RYR3: variants seen among roughly 807,000 people sequenced by gnomAD.
RYR3 encodes ryanodine receptor 3, also known as brain ryanodine receptor-calcium release channel.
A neutral mutation model predicts 584.3 loss-of-function variants in RYR3; 207 were observed. That is an observed-to-expected ratio of 0.35 (90% CI 0.32 to 0.40). The LOEUF (loss-of-function observed/expected upper bound fraction) is 0.40, where lower values mean the gene tolerates loss of function less well. RYR3 is among the 10% of genes least tolerant of loss of function. The pLI is 1.00. For missense variants in RYR3, 5,616 were observed against 6,089.2 expected, an observed-to-expected ratio of 0.92 and a Z score of 2.59; for synonymous variants, 2,416 against 2,248.5, an observed-to-expected ratio of 1.07 and a Z score of -2.11.
At chr15:33,587,033 G>A (rs1473557683) in intron 16 of RYR3, among the ~76,000 whole-genome samples, 5 of 152,096 alleles carry the variant, frequency 3.3e-5, no homozygotes, top group African/African-American at 7.2e-5. Flanking sequence ...GGGGGACTGC[G>A]TATTTGAGAC....
intron 65 of RYR3, among the ~76,000 whole-genome samples, chr15:33,780,941 A>G (rs1203307956): frequency 1.3e-5 from 2 of 152,204 alleles, no homozygotes; most frequent in Non-Finnish European, 2.9e-5. Context: ...CTATTTTTGT[A>G]AATAAAGTTT....
At chr15:33,522,936 CA>C (rs1403313050) in intron 3 of RYR3, among the ~76,000 whole-genome samples, 1 of 152,084 alleles carries the variant, frequency 6.6e-6, no homozygotes, top group African/African-American at 2.4e-5. Context: ...TCCGTGTTAC[CA>C]GATGTTTACA....
intron 86 of RYR3, among the ~76,000 whole-genome samples, chr15:33,832,216 C>T (rs2077722958): frequency 6.6e-6 from 1 of 151,326 alleles, no homozygotes; most frequent in Admixed American, 6.6e-5. Flanking sequence ...ATCACTTGAA[C>T]CCGGGAGGCA....
At chr15:33,860,201 AG>A (rs1408525405) in intron 100 of RYR3, among the ~76,000 whole-genome samples, 1 of 152,244 alleles carries the variant, frequency 6.6e-6, no homozygotes, top group African/African-American at 2.4e-5. Context: ...TAAGACATGC[AG>A]GTGTTGAGGG....
chr15:33,724,236 T>G, intron 45 of RYR3, 60 bp downstream of exon 45: 1 of 898,482 alleles, frequency 1.1e-6, no homozygotes, highest in Non-Finnish European at 1.8e-6. Context: ...ACACTATAGA[T>G]TTCCTGAACC....
chr15:33,423,352 T>C (rs1225454096), intron 1 of RYR3, among the ~76,000 whole-genome samples: 2 of 152,242 alleles, frequency 1.3e-5, no homozygotes, highest in African/African-American at 4.8e-5. Context: ...TTTTTATAGC[T>C]GAATAAAATT....
intron 69 of RYR3, among the ~76,000 whole-genome samples, chr15:33,804,280 G>A (rs1465189843): frequency 1.3e-5 from 2 of 152,218 alleles, no homozygotes; most frequent in African/African-American, 4.8e-5. Flanking sequence ...GAATGGATGA[G>A]AGGACACTCC....
At chr15:33,403,987 T>C (rs774995656) in intron 1 of RYR3, among the ~76,000 whole-genome samples, 3 of 152,220 alleles carry the variant, frequency 2.0e-5, no homozygotes, top group Non-Finnish European at 2.9e-5. Flanking sequence ...ATCTTGTCAA[T>C]TGAAAGATAA....
chr15:33,321,908 A>G (rs1969019046), intron 1 of RYR3, among the ~76,000 whole-genome samples: 1 of 152,188 alleles, frequency 6.6e-6, no homozygotes. Flanking sequence ...AATCTATAGA[A>G]AGGTGAAAAT....
intron 1 of RYR3, among the ~76,000 whole-genome samples, chr15:33,456,372 G>A (rs73380490): frequency 6.6e-6 from 1 of 152,222 alleles, no homozygotes; most frequent in African/African-American, 2.4e-5. Flanking sequence ...GGGCAAGCAC[G>A]TGACACAGGA....
At chr15:33,663,059 T>C in intron 35 of RYR3, 111 bp downstream of exon 35, 1 of 900,948 alleles carries the variant, frequency 1.1e-6, no homozygotes, top group Non-Finnish European at 1.7e-6. Context: ...GTGCTTGGCA[T>C]AGTGACTGAC....
chr15:33,812,497 A>G (rs1344481953), intron 72 of RYR3, among the ~76,000 whole-genome samples: 1 of 152,224 alleles, frequency 6.6e-6, no homozygotes, highest in East Asian at 1.9e-4. Context: ...AAGACTTCAT[A>G]GTCATTATAA....
intron 1 of RYR3, among the ~76,000 whole-genome samples, chr15:33,435,448 G>A (rs1026129663): frequency 1.4e-4 from 21 of 152,014 alleles, no homozygotes; most frequent in African/African-American, 5.1e-4. Context: ...GTATAGTTTG[G>A]GGCTCTGGAT....
chr15:33,810,102 T>C (rs988663592), intron 70 of RYR3, among the ~76,000 whole-genome samples: 1 of 152,194 alleles, frequency 6.6e-6, no homozygotes, highest in African/African-American at 2.4e-5. Flanking sequence ...TCTTTCATAT[T>C]TTTAGTGATC....
chr15:33,861,479 G>GC (rs1888187425), intron 102 of RYR3, among the ~76,000 whole-genome samples: 2 of 86,286 alleles, frequency 2.3e-5, no homozygotes, highest in East Asian at 7.6e-4. Flanking sequence ...ATATAAATAT[G>GC]CTTTTTTTTT....
At chr15:33,640,103 G>A (rs2061714443) in intron 27 of RYR3, among the ~76,000 whole-genome samples, 1 of 152,186 alleles carries the variant, frequency 6.6e-6, no homozygotes, top group Non-Finnish European at 1.5e-5. Context: ...AGCCTGCCAG[G>A]CTGTTCCTGC....
intron 38 of RYR3, among the ~76,000 whole-genome samples, chr15:33,673,513 A>G (rs1419073023): frequency 2.0e-5 from 3 of 152,246 alleles, no homozygotes; most frequent in African/African-American, 7.2e-5. Flanking sequence ...AATAGTAGCC[A>G]CTGTACTAAG....
At chr15:33,325,725 TCTTCCTTC>T (rs67855881) in intron 1 of RYR3, among the ~76,000 whole-genome samples, 32,948 of 91,032 alleles carry the variant, frequency 0.36, 6,698 homozygotes, top group Non-Finnish European at 0.43. Flanking sequence ...CCCCTCCCCC[TCTTCCTTC>T]CTTCCTTCCT....
At chr15:33,475,441 G>T (rs79628747) in intron 2 of RYR3, among the ~76,000 whole-genome samples, 18,490 of 152,142 alleles carry the variant, frequency 0.12, 1,437 homozygotes, top group East Asian at 0.34. Flanking sequence ...ATTCTCATAA[G>T]GAGCGTGCAA....
Sources: allele counts gnomAD v4.1 joint callset (sites outside exome capture counted in the v4.1 genomes callset), GRCh38; gene constraint gnomAD v4.1.1; transcripts MANE v1.5; gene names NCBI Gene and HGNC (gene_info 2026-07-23, HGNC 2026-07-21).